Variants in PTPRC observed in about 807,000 individuals in gnomAD.
The protein encoded by PTPRC is protein tyrosine phosphatase receptor type C.
PTPRC carries 44 observed loss-of-function variants against 155.9 expected under a neutral mutation model. The ratio of observed to expected loss-of-function variants is 0.28; its 90% CI spans 0.22 to 0.36. The LOEUF (loss-of-function observed/expected upper bound fraction) is 0.36. Among genes scored for constraint, PTPRC ranks in the 10% least tolerant of loss-of-function variants. The probability of loss-of-function intolerance (pLI) is 1.00; values close to 1 mark genes in which losing one functional copy is unlikely to be tolerated. For missense variants in PTPRC, 1,401 were observed against 1,564.6 expected (o/e 0.90, Z 1.76); for synonymous variants, 525 against 533.1 (o/e 0.98, Z 0.21).
intron 3 of PTPRC, chr1:198,693,877 T>G (rs1263118417): frequency 1.1e-5 from 12 of 1,089,586 alleles, no homozygotes; most frequent in Non-Finnish European, 1.5e-5. Flanking sequence ...AAGTAATCTT[T>G]AGGAATGCTA....
At chr1:198,646,946 C>T (rs2102196611) in intron 2 of PTPRC, among the ~76,000 whole-genome samples, 1 of 151,996 alleles carries the variant, frequency 6.6e-6, no homozygotes, top group African/African-American at 2.4e-5. Context: ...ATTAGCATTG[C>T]ACACACATAT....
In PTPRC at chr1:198,649,976, G is replaced by C. The variant is rs1018599774; in HGVS notation, c.73+10635G>C. ...AATGCACTTTTAGACAGAGTGATCG[G>C]GGAAGATCCTTATGAAGAAGAATCA... On this transcript the variant is annotated intron_variant, in intron 2 of 32. Coordinates refer to ENST00000442510, the MANE Select transcript of PTPRC (RefSeq NM_002838.5). Among the ~76,000 whole-genome samples the C allele has an allele frequency of 4.0e-5, 6 of 151,794 alleles. No homozygotes were observed. The East Asian group carries it at 9.7e-4, about 25-fold the overall frequency.
chr1:198,705,778 C>T (rs1303124810), intron 8 of PTPRC, among the ~76,000 whole-genome samples: 2 of 152,250 alleles, frequency 1.3e-5, no homozygotes, highest in East Asian at 3.9e-4. Flanking sequence ...CACTCCTGCT[C>T]TTCCTCTACA....
chr1:198,743,140 G>C (rs1415447680), intron 25 of PTPRC, among the ~76,000 whole-genome samples: 1 of 148,160 alleles, frequency 6.7e-6, no homozygotes, highest in Non-Finnish European at 1.5e-5. Context: ...TGTATCAATA[G>C]GGGAATAGGA....
At chr1:198,692,748 A>G in intron 3 of PTPRC, 1 of 927,456 alleles carries the variant, frequency 1.1e-6, no homozygotes, top group Non-Finnish European at 1.3e-6. Flanking sequence ...TGTATGTTAT[A>G]GATATGTAGA....
chr1:198,700,048 CTT>C (rs1195054668), intron 5 of PTPRC: 1 of 359,740 alleles, frequency 2.8e-6, no homozygotes, highest in South Asian at 2.6e-5. Flanking sequence ...TACTTAAAGA[CTT>C]TGTACCAACA....
intron 2 of PTPRC, among the ~76,000 whole-genome samples, chr1:198,667,706 C>G (rs12126485): frequency 3.3e-5 from 5 of 151,620 alleles, no homozygotes; most frequent in African/African-American, 1.2e-4. Context: ...TATTTTATTT[C>G]TAGGACAAGA....
intron 2 of PTPRC, among the ~76,000 whole-genome samples, chr1:198,687,798 T>G (rs567345182): frequency 2.0e-4 from 31 of 152,298 alleles, no homozygotes; most frequent in Admixed American, 2.0e-3. Flanking sequence ...TTAAGTTGCA[T>G]CACTCTAGTG....
intron 2 of PTPRC, among the ~76,000 whole-genome samples, chr1:198,656,623 C>T (rs1175811655): frequency 3.3e-5 from 5 of 150,080 alleles, no homozygotes; most frequent in Admixed American, 1.3e-4. Flanking sequence ...TTCTGCTACA[C>T]ATCACAGGGC....
chr1:198,712,572 C>T (rs962692847), intron 11 of PTPRC, among the ~76,000 whole-genome samples: 2 of 152,160 alleles, frequency 1.3e-5, no homozygotes, highest in African/African-American at 2.4e-5. Context: ...ATGACAAGTG[C>T]TACTCAATGA....
rs1655654967 is a variant in PTPRC at position 198,756,248 on chromosome 1, G to GAAGT, written c.*68_*71dup. 27 of 1,585,166 alleles carry GAAGT rather than the reference G, an allele frequency of 1.7e-5. No homozygotes were observed. Among genetic ancestry groups the GAAGT allele is most frequent in the Non-Finnish European group, 2.3e-5 (27 of 1,159,098 alleles). ...GTTATTTCTATTTTTGTAGAAGTAG[G>GAAGT]AAGTGAAAATAGGTATACAGTGGAT... On this transcript the variant is annotated 3_prime_UTR_variant, in exon 33 of 33. Coordinates refer to ENST00000442510, the MANE Select transcript of PTPRC (RefSeq NM_002838.5).
chr1:198,671,124 A>G (rs1005885521), intron 2 of PTPRC, among the ~76,000 whole-genome samples: 4 of 151,744 alleles, frequency 2.6e-5, no homozygotes, highest in African/African-American at 9.7e-5. Context: ...AATGTAAAAA[A>G]AAAAAATTTT....
At chr1:198,652,046 A>G (rs1483527901) in intron 2 of PTPRC, among the ~76,000 whole-genome samples, 1 of 151,882 alleles carries the variant, frequency 6.6e-6, no homozygotes, top group Non-Finnish European at 1.5e-5. Context: ...AGTAACTTAA[A>G]TATGATCTAT....
intron 3 of PTPRC, among the ~76,000 whole-genome samples, chr1:198,696,217 T>A (rs1414527661): frequency 1.3e-5 from 2 of 150,154 alleles, no homozygotes; most frequent in Non-Finnish European, 3.0e-5. Flanking sequence ...TATATATATA[T>A]CCATGAGTAA....
intron 2 of PTPRC, among the ~76,000 whole-genome samples, chr1:198,656,508 C>G (rs906064945): frequency 6.6e-6 from 1 of 152,026 alleles, no homozygotes; most frequent in Non-Finnish European, 1.5e-5. Context: ...GATCCAGATA[C>G]CTACAAGGGC....
intron 2 of PTPRC, among the ~76,000 whole-genome samples, chr1:198,688,456 C>T (rs1229676142): frequency 6.6e-6 from 1 of 152,086 alleles, no homozygotes; most frequent in Non-Finnish European, 1.5e-5. Flanking sequence ...CTCCAGAAAC[C>T]TCTTAACATC....
At chr1:198,668,064 A>T (rs2102281484) in intron 2 of PTPRC, among the ~76,000 whole-genome samples, 1 of 152,332 alleles carries the variant, frequency 6.6e-6, no homozygotes, top group Non-Finnish European at 1.5e-5. Flanking sequence ...CTAACAGTAG[A>T]ATAATGATTG....
At chr1:198,661,770 C>T (rs932616850) in intron 2 of PTPRC, among the ~76,000 whole-genome samples, 1 of 152,116 alleles carries the variant, frequency 6.6e-6, no homozygotes, top group African/African-American at 2.4e-5. Flanking sequence ...ATACTTTCTT[C>T]CTTATAATAA....
At chr1:198,699,535 G>A (rs754431989) in intron 4 of PTPRC, 29 bp from the exon 5 acceptor site, 4 of 1,613,800 alleles carry the variant, frequency 2.5e-6, no homozygotes, top group Admixed American at 1.7e-5. Flanking sequence ...GGGGAAGACT[G>A]ATGTAATGAT....
Sources: gnomAD v4.1 joint callset for allele counts (sites outside exome capture counted in the v4.1 genomes callset) on GRCh38, gnomAD v4.1.1 for gene constraint, MANE v1.5 for transcripts, NCBI Gene and HGNC (gene_info 2026-07-23, HGNC 2026-07-21) for gene names.